The following BTBD9 variants were observed in gnomAD, a reference collection of about 807,000 sequenced individuals.
BTBD9 encodes the protein BTB/POZ domain-containing protein 9.
Under a neutral mutation model 64.3 loss-of-function variants are expected in BTBD9, and 49 were observed. The ratio of observed to expected loss-of-function variants is 0.76; its 90% CI spans 0.61 to 0.97. The LOEUF is 0.97. BTBD9 is among the 50% of genes least tolerant of loss of function. BTBD9 has a pLI of 0.00. For missense variants in BTBD9, 598 were observed against 762.1 expected, an observed-to-expected ratio of 0.78 and a Z score of 2.53; for synonymous variants, 260 against 274.7, an observed-to-expected ratio of 0.95 and a Z score of 0.53.
chr6:38,312,008 C>T (rs555587933), intron 7 of BTBD9, among the ~76,000 whole-genome samples: 3 of 152,178 alleles, frequency 2.0e-5, no homozygotes, highest in East Asian at 1.9e-4. Context: ...ACTACAGGTG[C>T]GCACCACCAT....
chr6:38,483,641 C>T (rs1353628898), intron 6 of BTBD9, among the ~76,000 whole-genome samples: 1 of 152,182 alleles, frequency 6.6e-6, no homozygotes, highest in Non-Finnish European at 1.5e-5. Context: ...TTCCTCCCAA[C>T]ACCCTACAGA....
intron 9 of BTBD9, among the ~76,000 whole-genome samples, chr6:38,215,057 G>A (rs1435311132): frequency 2.6e-5 from 4 of 152,206 alleles, no homozygotes; most frequent in South Asian, 2.1e-4. Flanking sequence ...ATTATTTCTT[G>A]AGGAGGAAGG....
chr6:38,349,656 CAT>C lies in BTBD9; in HGVS notation c.1155-4565_1155-4564del, dbSNP rs1764423421. 2.6e-5 allele frequency among the ~76,000 whole-genome samples: 4 copies of C among 152,156 alleles called. No individual in the cohort carries two copies. In the South Asian group the frequency reaches 8.3e-4, roughly 32 times the overall value. ...AGTATATATAAGGTTCAGTACCATG[CAT>C]AGTTTCAGGCATCCACTGAAGGTCT... On this transcript the variant is annotated intron_variant, in intron 6 of 10. Coordinates refer to ENST00000481247, the MANE Select transcript of BTBD9 (RefSeq NM_001099272.2).
chr6:38,504,364 G>T lies in BTBD9; in HGVS notation c.1154+73236C>A, dbSNP rs115942170. 2,077 of 306,756 alleles carry T rather than the reference G, an allele frequency of 6.8e-3. 40 individuals carry two copies. Among genetic ancestry groups the T allele is most frequent in the African/African-American group, 0.037 (1,706 of 46,382 alleles). 19.0% of individuals were successfully genotyped at this position (306,756 alleles called of 1,614,324 possible). On this transcript the variant is annotated intron_variant, in intron 6 of 10. Transcript: ENST00000481247. Reference sequence around the variant, plus strand: ...AACTGATGATGGGCTATTATTTTACGGAGACTACAAACTTCCTCATGTTAC... The same window carrying T: ...AACTGATGATGGGCTATTATTTTACTGAGACTACAAACTTCCTCATGTTAC...
At chr6:38,420,925 TAA>T (rs1006133311) in intron 6 of BTBD9, among the ~76,000 whole-genome samples, 1 of 152,138 alleles carries the variant, frequency 6.6e-6, no homozygotes, top group African/African-American at 2.4e-5. Context: ...CACAAACTTT[TAA>T]AAAAACTATA....
chr6:38,613,671 A>G (rs1227533205), intron 1 of BTBD9, among the ~76,000 whole-genome samples: 2 of 152,138 alleles, frequency 1.3e-5, no homozygotes, highest in African/African-American at 4.8e-5. Flanking sequence ...GTATTACTCA[A>G]TGACAGCATT....
intron 1 of BTBD9, among the ~76,000 whole-genome samples, chr6:38,611,329 T>C (rs1366501831): frequency 6.6e-6 from 1 of 152,166 alleles, no homozygotes; most frequent in Non-Finnish European, 1.5e-5. Flanking sequence ...TTCTCAAGTG[T>C]TTCCTTCTTT....
At chr6:38,384,206 G>A (rs1000730454) in intron 6 of BTBD9, among the ~76,000 whole-genome samples, 2 of 152,048 alleles carry the variant, frequency 1.3e-5, no homozygotes, top group Admixed American at 1.3e-4. Flanking sequence ...TTCTTTCTGC[G>A]AAGTATCTTG....
chr6:38,480,808 C>A (rs1771105282), intron 6 of BTBD9, among the ~76,000 whole-genome samples: 1 of 152,120 alleles, frequency 6.6e-6, no homozygotes, highest in South Asian at 2.1e-4. Flanking sequence ...CAGTGCCTAC[C>A]CAAGATTTGG....
chr6:38,321,911 T>G (rs771493370), intron 7 of BTBD9, among the ~76,000 whole-genome samples: 2 of 151,878 alleles, frequency 1.3e-5, no homozygotes, highest in Non-Finnish European at 2.9e-5. Context: ...GCAGTCACTG[T>G]CAATTCTTTC....
At chr6:38,278,768 C>T (rs1761389265) in intron 8 of BTBD9, among the ~76,000 whole-genome samples, 1 of 152,146 alleles carries the variant, frequency 6.6e-6, no homozygotes, top group Non-Finnish European at 1.5e-5. Context: ...ACACTCTTGG[C>T]TGGTGTTTGG....
chr6:38,239,378 T>C (rs62397011), intron 9 of BTBD9, among the ~76,000 whole-genome samples: 4,990 of 146,650 alleles, frequency 0.034, 147 homozygotes, highest in Admixed American at 0.11. Context: ...ATGTGGAGGT[T>C]GCAGTGAGCC....
intron 6 of BTBD9, among the ~76,000 whole-genome samples, chr6:38,572,831 T>C (rs1775838044): frequency 6.6e-6 from 1 of 151,122 alleles, no homozygotes; most frequent in African/African-American, 2.4e-5. Context: ...ACTTTAATAT[T>C]AGAGTGAGGA....
intron 1 of BTBD9, among the ~76,000 whole-genome samples, chr6:38,622,595 C>T (rs1186135022): frequency 2.0e-5 from 3 of 152,186 alleles, no homozygotes; most frequent in Non-Finnish European, 4.4e-5. Context: ...TATGCTCTTA[C>T]ATTTCCAACC....
chr6:38,386,057 G>C (rs974241572), intron 6 of BTBD9, among the ~76,000 whole-genome samples: 1 of 152,148 alleles, frequency 6.6e-6, no homozygotes, highest in African/African-American at 2.4e-5. Context: ...GCCTCCCAAA[G>C]TGCTGAGATT....
chr6:38,369,474 C>T (rs369857307), intron 6 of BTBD9, among the ~76,000 whole-genome samples: 1 of 152,184 alleles, frequency 6.6e-6, no homozygotes, highest in African/African-American at 2.4e-5. Context: ...CATCTGAGGA[C>T]AGTTCACTCT....
chr6:38,350,571 T>C (rs1251478266), intron 6 of BTBD9, among the ~76,000 whole-genome samples: 1 of 152,236 alleles, frequency 6.6e-6, no homozygotes, highest in Non-Finnish European at 1.5e-5. Flanking sequence ...AGGGATTAAC[T>C]AAAGCTAAAA....
chr6:38,374,711 G>A (rs1294008833), intron 6 of BTBD9, among the ~76,000 whole-genome samples: 1 of 152,094 alleles, frequency 6.6e-6, no homozygotes, highest in African/African-American at 2.4e-5. Context: ...CACCTTCAGA[G>A]ACAACTAACC....
At chr6:38,607,948 T>A (rs1005301712) in intron 1 of BTBD9, among the ~76,000 whole-genome samples, 2 of 152,184 alleles carry the variant, frequency 1.3e-5, no homozygotes, top group Non-Finnish European at 2.9e-5. Flanking sequence ...CAACTGAGCT[T>A]CATTCTGATT....
Sources: gnomAD v4.1 joint callset for allele counts (sites outside exome capture counted in the v4.1 genomes callset) on GRCh38, gnomAD v4.1.1 for gene constraint, MANE v1.5 for transcripts, NCBI Gene and HGNC (gene_info 2026-07-23, HGNC 2026-07-21) for gene names.